Variants in TTC34 observed in about 807,000 individuals in gnomAD.
The protein encoded by TTC34 is tetratricopeptide repeat protein 34.
A neutral mutation model predicts 40.7 loss-of-function variants in TTC34; 44 were observed. The observed-to-expected ratio is 1.08, with a 90% CI of 0.85 to 1.39. TTC34 has a LOEUF of 1.39. Among genes scored for constraint, TTC34 ranks in the 40% most tolerant of loss-of-function variants. TTC34 has a pLI of 0.00. For missense variants in TTC34, 884 were observed against 838.0 expected, an observed-to-expected ratio of 1.05 and a Z score of -0.68; for synonymous variants, 422 against 398.6, an observed-to-expected ratio of 1.06 and a Z score of -0.70.
chr1:2,652,201 T>A, intron 6 of TTC34, among the ~76,000 whole-genome samples: 1 of 1,186 alleles, frequency 8.4e-4, no homozygotes, highest in Non-Finnish European at 1.1e-3. Flanking sequence ...AACAGCACCC[T>A]GCACCCCCAA....
intron 6 of TTC34, among the ~76,000 whole-genome samples, chr1:2,686,196 C>T (rs1162884633): frequency 1.4e-5 from 2 of 145,096 alleles, no homozygotes; most frequent in Non-Finnish European, 1.5e-5. Context: ...GAGCAGCGCC[C>T]ACACCCCCAG....
intron 6 of TTC34, among the ~76,000 whole-genome samples, chr1:2,654,863 A>C (rs78522862): frequency 4.0e-4 from 49 of 123,314 alleles, no homozygotes; most frequent in Admixed American, 6.9e-4. Context: ...CCCGCGAGTG[A>C]GGATCAGACA....
At chr1:2,655,085 C>T (rs1311906103) in intron 6 of TTC34, among the ~76,000 whole-genome samples, 26 of 149,604 alleles carry the variant, frequency 1.7e-4, no homozygotes, top group Admixed American at 2.7e-4. Flanking sequence ...CCTGGAGCAG[C>T]AACCACACCC....
exon 9 of TTC34, chr1:2,637,814 C>G (rs563155462): frequency 6.6e-6 from 1 of 152,392 alleles, no homozygotes; most frequent in African/African-American, 2.4e-5. Context: ...GGGGCTGCTG[C>G]TGCTACAACT....
exon 3 of TTC34, chr1:2,789,553 C>A (rs940081811): frequency 4.7e-6 from 7 of 1,491,778 alleles, no homozygotes; most frequent in African/African-American, 2.9e-5. Context: ...TCCGGCCCTG[C>A]GCTCTGGACG....
chr1:2,688,606 C>G (rs1640482168), intron 6 of TTC34, among the ~76,000 whole-genome samples: 1 of 142,174 alleles, frequency 7.0e-6, no homozygotes, highest in Non-Finnish European at 1.5e-5. Context: ...GAGCAGCACC[C>G]ACACCCCCAG....
rs1557589957 is a variant in TTC34, at chr1:2,656,371, C to T, written c.2227-10808G>A. 2.0e-3 allele frequency among the ~76,000 whole-genome samples: 118 copies of T among 57,962 alleles called. 3 individuals carry two copies. Among genetic ancestry groups the T allele is most frequent in the Non-Finnish European group, 3.1e-3 (90 of 28,732 alleles). The allele number at this position is 57,962 out of a possible 152,430, so 38.0% of individuals were successfully genotyped here. On this transcript the variant is annotated intron_variant, in intron 6 of 8. Transcript: ENST00000401095. ...GCATCTGACAGCCTGGAACAGCACC[C>T]ACACCCACAGGTGAGCATCTGACAG...
chr1:2,752,414 C>A (rs1423161655), intron 6 of TTC34, among the ~76,000 whole-genome samples: 2 of 59,656 alleles, frequency 3.4e-5, no homozygotes, highest in Non-Finnish European at 8.4e-5. Flanking sequence ...CCCACACACC[C>A]AGGTGAGCAT....
chr1:2,748,497 G>GAGC (rs1569683167), intron 6 of TTC34, among the ~76,000 whole-genome samples: 33 of 138,772 alleles, frequency 2.4e-4, no homozygotes, highest in Non-Finnish European at 2.8e-4. Context: ...GTGAGCATCC[G>GAGC]ATAGCCTGGA....
At chr1:2,656,298 C>T (rs1639341819) in intron 6 of TTC34, among the ~76,000 whole-genome samples, 1 of 151,038 alleles carries the variant, frequency 6.6e-6, no homozygotes, top group African/African-American at 2.4e-5. Flanking sequence ...ACCCACACCC[C>T]CAGGCGAGCA....
chr1:2,695,040 G>C (rs796409272), intron 6 of TTC34, among the ~76,000 whole-genome samples: 164 of 29,042 alleles, frequency 5.6e-3, no homozygotes, highest in Middle Eastern at 0.017. Context: ...GCACCCCCAG[G>C]TGAGCATCTG....
rs562936694 is a variant in TTC34 at position 2,687,141 on chromosome 1, G to C, written c.2227-41578C>G. Among the ~76,000 whole-genome samples the C allele has an allele frequency of 4.2e-5, 6 of 142,102 alleles. No individual in the cohort carries two copies. In the East Asian group the frequency reaches 1.0e-3, roughly 24 times the overall value. 93.2% of individuals were successfully genotyped at this position (142,102 alleles called of 152,430 possible). ...ACCCCACACCCACAGGTGAGCATCT[G>C]ACAGCCTGGAACAGTACCCACACAC... is the stretch of plus-strand genomic sequence containing the variant. On this transcript the variant is annotated intron_variant, in intron 6 of 8. Transcript: ENST00000401095.
exon 9 of TTC34, chr1:2,639,560 A>G (rs2100982644): frequency 6.6e-6 from 1 of 152,602 alleles, no homozygotes; most frequent in East Asian, 1.9e-4. Context: ...CGTGTCCCTG[A>G]ACTTAGCTCT....
intron 6 of TTC34, among the ~76,000 whole-genome samples, chr1:2,686,696 C>G (rs1185266221): frequency 3.0e-5 from 1 of 33,636 alleles, no homozygotes; most frequent in African/African-American, 1.2e-4. Flanking sequence ...CAGGTGCGCA[C>G]GTGACAGCCT....
chr1:2,790,246 G>T, exon 3 of TTC34: 1 of 398,426 alleles, frequency 2.5e-6, no homozygotes, highest in Non-Finnish European at 4.4e-6. Context: ...AGGGGCTCTC[G>T]CGGAAGGCCT....
chr1:2,677,275 G>T (rs1639940017), intron 6 of TTC34, among the ~76,000 whole-genome samples: 7 of 46,550 alleles, frequency 1.5e-4, no homozygotes, highest in African/African-American at 5.2e-4. Context: ...TGATGATCTG[G>T]AGCAGCACCC....
exon 3 of TTC34, chr1:2,790,094 G>A: frequency 2.5e-6 from 1 of 398,098 alleles, no homozygotes; most frequent in Middle Eastern, 6.3e-4. Context: ...CTCGCGGCCC[G>A]CATCCTCGCG....
Position 2,644,340 on chromosome 1 carries a change from AG to A in TTC34, c.2635del (p.Leu879TrpfsTer110). The A allele has an allele frequency of 6.5e-7, 1 of 1,535,928 alleles. No homozygotes were observed. Among genetic ancestry groups the A allele is most frequent in the Non-Finnish European group, 8.7e-7 (1 of 1,146,846 alleles). On this transcript the variant is annotated frameshift_variant, in exon 8 of 9. Transcript: ENST00000401095. LOFTEE classifies it high-confidence loss of function. ...GAGATCCGGGGCATCCACCTCGGCCAGGCTCTGCAGGTCCCTTGCAGCCCCT... is the reference window on the plus strand; with the variant it reads ...GAGATCCGGGGCATCCACCTCGGCCAGCTCTGCAGGTCCCTTGCAGCCCCT...
At chr1:2,685,886 G>C (rs975784579) in intron 6 of TTC34, among the ~76,000 whole-genome samples, 38 of 146,066 alleles carry the variant, frequency 2.6e-4, no homozygotes, top group African/African-American at 7.7e-4. Flanking sequence ...GCACCCCCAG[G>C]TGAGCATCTG....
Sources: gnomAD v4.1 joint callset for allele counts (sites outside exome capture counted in the v4.1 genomes callset) on GRCh38, gnomAD v4.1.1 for gene constraint, MANE v1.5 for transcripts, NCBI Gene and HGNC (gene_info 2026-07-23, HGNC 2026-07-21) for gene names.